The following ABCA1 variants were observed in gnomAD, a reference collection of about 807,000 sequenced individuals.
ABCA1 encodes phospholipid-transporting ATPase ABCA1.
A neutral mutation model predicts 262.5 loss-of-function variants in ABCA1; 133 were observed. The ratio of observed to expected loss-of-function variants is 0.51; its 90% CI spans 0.44 to 0.59. The LOEUF is 0.59. Among genes scored for constraint, ABCA1 ranks in the 20% least tolerant of loss-of-function variants. The pLI is 0.00. For synonymous variants in ABCA1, 1,022 were observed against 1,043.5 expected (o/e 0.98, Z 0.40); for missense variants, 2,452 against 2,777.5 (o/e 0.88, Z 2.63).
chr9:104,873,951 C>T, intron 5 of ABCA1, among the ~76,000 whole-genome samples: 1 of 152,186 alleles, frequency 6.6e-6, no homozygotes, highest in East Asian at 1.9e-4. Context: ...GTTCTCTTAA[C>T]ACGAAGGTAT....
chr9:104,874,927 C>T (rs1431272196), intron 5 of ABCA1, among the ~76,000 whole-genome samples: 1 of 151,718 alleles, frequency 6.6e-6, no homozygotes, highest in African/African-American at 2.4e-5. Context: ...GCGCCTCTGC[C>T]CGGCCGCCCC....
At chr9:104,785,294 C>T in intron 49 of ABCA1, 102 bp downstream of exon 49, 1 of 1,478,800 alleles carries the variant, frequency 6.8e-7, no homozygotes, top group Non-Finnish European at 9.3e-7. Flanking sequence ...GGAATTCAAG[C>T]ACCAATTCAA....
Position 104,837,484 on chromosome 9 carries a change from C to T in ABCA1, c.1138G>A (p.Val380Ile), listed in dbSNP as rs113058638. Residue 380 changes from valine (V) to isoleucine (I), a missense_variant, in exon 10 of 50, where the codon GTT becomes ATT. Physicochemically the swap from Val to Ile is conservative, Grantham distance 29. This residue lies in a region of ABCA1 where 1,032 missense variants were observed against 1,089.7 expected (regional missense o/e 0.95). Transcript: ENST00000374736. ...TCAGGTGTATACAGGATCTTCCCAA[C>T]GAGCAGCGGCTTCAGAGCTTTCCAG... ...IIWKALKPLLVGKILYTPDTP... is the reference protein window; with the variant it reads ...IIWKALKPLLIGKILYTPDTP... 5.0e-5 allele frequency: 80 copies of T among 1,613,974 alleles called. 1 individual carries two copies. Among genetic ancestry groups the T allele is most frequent in the Middle Eastern group, 3.3e-4 (2 of 6,084 alleles).
intron 17 of ABCA1, 80 bp downstream of exon 17, chr9:104,825,603 T>C (rs1306230349): frequency 1.8e-5 from 26 of 1,433,896 alleles, no homozygotes; most frequent in East Asian, 2.3e-5. Context: ...GGGAAGCCCA[T>C]GCACTGCAGA....
chr9:104,836,747 A>G (rs944656128), intron 11 of ABCA1, among the ~76,000 whole-genome samples: 3 of 152,226 alleles, frequency 2.0e-5, no homozygotes, highest in Admixed American at 6.5e-5. Context: ...AGTTTTGCAG[A>G]AAACTGCTAT....
chr9:104,886,208 C>T (rs1408195604), intron 3 of ABCA1, among the ~76,000 whole-genome samples: 1 of 152,212 alleles, frequency 6.6e-6, no homozygotes, highest in East Asian at 1.9e-4. Flanking sequence ...TTCCATCTCA[C>T]AGCTACCACC....
intron 10 of ABCA1, 148 bp downstream of exon 10, chr9:104,837,280 G>T: frequency 8.3e-7 from 1 of 1,198,840 alleles, no homozygotes; most frequent in Non-Finnish European, 1.2e-6. Flanking sequence ...GCCCAGCTCT[G>T]GTCTGCATCA....
intron 37 of ABCA1, 94 bp downstream of exon 37, chr9:104,798,327 T>C: frequency 6.9e-7 from 1 of 1,457,408 alleles, no homozygotes; most frequent in Non-Finnish European, 9.6e-7. Flanking sequence ...AGCTGGAACA[T>C]TTCCTGATGA....
rs2274872 is a variant in ABCA1, at chr9:104,787,226, A to G, written c.6205-250T>C. ...TTTTTTATGTAATTAAATTTCTCCA[A>G]ATAAATAGGGAAGGAAAAAGGCCAT... On this transcript the variant is annotated intron_variant, in intron 46 of 49. Transcript: ENST00000374736. Among the ~76,000 whole-genome samples the G allele has an allele frequency of 3.0e-4, 46 of 152,338 alleles. 1 individual carries two copies. The East Asian group carries it at 6.2e-3, about 20-fold the overall frequency.
At chr9:104,803,513 T>G (rs1342570832) in intron 32 of ABCA1, among the ~76,000 whole-genome samples, 197 bp from the exon 33 acceptor site, 2 of 152,166 alleles carry the variant, frequency 1.3e-5, no homozygotes, top group African/African-American at 4.8e-5. Flanking sequence ...CCATCATAAA[T>G]ACCCTATTAC....
Position 104,819,921 on chromosome 9 carries a change from C to T in ABCA1, c.3103+6G>A, listed in dbSNP as rs764754071. The T allele has an allele frequency of 1.2e-6, 2 of 1,612,362 alleles. No homozygotes were observed. Among genetic ancestry groups the T allele is most frequent in the South Asian group, 1.1e-5 (1 of 91,066 alleles). On this transcript the variant is annotated splice_donor_region_variant and intron_variant, in intron 21 of 49. Coordinates refer to ENST00000374736, the MANE Select transcript of ABCA1 (RefSeq NM_005502.4). Reference sequence around the variant, plus strand: ...GAGGGATAGGGAAGGTAGCTCTGGGCCGCACCTGACAGCTGGCTTGTTTTG... The same window carrying T: ...GAGGGATAGGGAAGGTAGCTCTGGGTCGCACCTGACAGCTGGCTTGTTTTG...
chr9:104,806,692 C>T (rs1255536665), intron 30 of ABCA1, among the ~76,000 whole-genome samples: 2 of 152,128 alleles, frequency 1.3e-5, no homozygotes, highest in Non-Finnish European at 2.9e-5. Context: ...ACATACTGAA[C>T]TCAGTTCAAT....
intron 1 of ABCA1, among the ~76,000 whole-genome samples, chr9:104,916,417 A>G (rs1224654388): frequency 6.6e-6 from 1 of 152,228 alleles, no homozygotes; most frequent in African/African-American, 2.4e-5. Context: ...TTGGACCAAC[A>G]GACAGGAGAA....
chr9:104,901,215 G>A (rs949006306), intron 2 of ABCA1, among the ~76,000 whole-genome samples: 1 of 152,154 alleles, frequency 6.6e-6, no homozygotes, highest in African/African-American at 2.4e-5. Flanking sequence ...AATAAAAATA[G>A]TTTGGAGGAG....
intron 48 of ABCA1, 108 bp downstream of exon 48, chr9:104,786,190 G>T: frequency 1.1e-6 from 1 of 927,896 alleles, no homozygotes; most frequent in Non-Finnish European, 1.7e-6. Context: ...ATACTGTTTT[G>T]CTCAGTTTTA....
At chr9:104,883,641 T>C (rs13283515) in intron 4 of ABCA1, among the ~76,000 whole-genome samples, 13,101 of 152,258 alleles carry the variant, frequency 0.086, 634 homozygotes, top group Middle Eastern at 0.18. Context: ...AGTCATGAAA[T>C]ATAATTTTTA....
rs571628937 is a variant in ABCA1, at chr9:104,795,185, G to A, written c.5383-675C>T. Among the ~76,000 whole-genome samples, 323 of 152,312 alleles carry A rather than the reference G, an allele frequency of 2.1e-3. 5 individuals are homozygous for A. Among genetic ancestry groups the A allele is most frequent in the African/African-American group, 7.4e-3 (309 of 41,562 alleles). On this transcript the variant is annotated intron_variant, in intron 39 of 49. Coordinates refer to ENST00000374736, the MANE Select transcript of ABCA1 (RefSeq NM_005502.4). ...TCACATTTTAGCTAAATCTTGAAGGGCAAGGGATATACTACCAGACCCTGT... is the reference window on the plus strand; with the variant it reads ...TCACATTTTAGCTAAATCTTGAAGGACAAGGGATATACTACCAGACCCTGT...
At chr9:104,926,721 GCCGCCCGCCGGGGTTACT>G (rs1281044016) in intron 1 of ABCA1, among the ~76,000 whole-genome samples, 1 of 152,148 alleles carries the variant, frequency 6.6e-6, no homozygotes, top group African/African-American at 2.4e-5. Flanking sequence ...CGAGTTCTGC[GCCGCCCGCCGGGGTTACT>G]CCCGGTCATT....
In ABCA1 at chr9:104,859,347, G is replaced by A. The variant is rs962957756; in HGVS notation, c.544-649C>T. 3.3e-5 allele frequency among the ~76,000 whole-genome samples: 5 copies of A among 151,900 alleles called. No individual in the cohort carries two copies. In the East Asian group the frequency reaches 5.8e-4, roughly 18 times the overall value. On this transcript the variant is annotated intron_variant, in intron 6 of 49. Transcript: ENST00000374736. ...CTTCTTGGTCATATTTTACTTAATT[G>A]CCTTTCTGGACCTAAACTATTCTAC...
Sources: allele counts gnomAD v4.1 joint callset (sites outside exome capture counted in the v4.1 genomes callset), GRCh38; gene constraint gnomAD v4.1.1; regional missense constraint gnomAD v4.1.1; transcripts MANE v1.5; gene names NCBI Gene and HGNC (gene_info 2026-07-23, HGNC 2026-07-21).